Variants in FGL1 observed in about 807,000 individuals in gnomAD.
FGL1 encodes fibrinogen like 1.
FGL1 carries 59 observed loss-of-function variants against 43.7 expected under a neutral mutation model. The ratio of observed to expected loss-of-function variants is 1.35; its 90% CI spans 1.10 to 1.68. The LOEUF is 1.68. Among genes scored for constraint, FGL1 ranks in the 40% most tolerant of loss-of-function variants. The pLI is 0.00. For synonymous variants in FGL1, 192 were observed against 126.5 expected (o/e 1.52, Z -3.48); for missense variants, 596 against 373.0 (o/e 1.60, Z -4.92).
intron 3 of FGL1, among the ~76,000 whole-genome samples, chr8:17,879,794 A>C (rs937075701): frequency 2.6e-5 from 4 of 152,136 alleles, no homozygotes; most frequent in African/African-American, 9.7e-5. Flanking sequence ...GGACTAATAC[A>C]GCACTTAAGC....
chr8:17,873,020 G>C (rs2053388546), intron 5 of FGL1, among the ~76,000 whole-genome samples: 1 of 152,104 alleles, frequency 6.6e-6, no homozygotes, highest in Non-Finnish European at 1.5e-5. Context: ...ATTGGTTGCA[G>C]CTTTGAAAAA....
chr8:17,866,191 G>C (rs2053267050), intron 7 of FGL1, among the ~76,000 whole-genome samples: 1 of 152,190 alleles, frequency 6.6e-6, no homozygotes, highest in Admixed American at 6.5e-5. Context: ...TCTGAGACCA[G>C]TTTTCTAGCA....
At chr8:17,892,636 A>G (rs1202774263) in intron 1 of FGL1, among the ~76,000 whole-genome samples, 1 of 152,194 alleles carries the variant, frequency 6.6e-6, no homozygotes, top group Non-Finnish European at 1.5e-5. Flanking sequence ...TAGATTACTG[A>G]TTAGGATTTT....
At chr8:17,886,993 C>T (rs2053637935) in intron 1 of FGL1, among the ~76,000 whole-genome samples, 1 of 152,148 alleles carries the variant, frequency 6.6e-6, no homozygotes, top group African/African-American at 2.4e-5. Flanking sequence ...CAGGTGAATG[C>T]TGCTTCTCGT....
intron 1 of FGL1, among the ~76,000 whole-genome samples, chr8:17,888,749 C>A (rs561845069): frequency 4.9e-4 from 74 of 152,098 alleles, no homozygotes; most frequent in Admixed American, 7.9e-4. Flanking sequence ...GAAGTAAAAA[C>A]CATCCATTTA....
At chr8:17,871,039 G>A (rs1398122114) in intron 5 of FGL1, among the ~76,000 whole-genome samples, 8 of 152,062 alleles carry the variant, frequency 5.3e-5, no homozygotes. Flanking sequence ...CAAGACTGGA[G>A]TCCCTTTAAG....
At chr8:17,879,721 A>G (rs1429170349) in intron 3 of FGL1, among the ~76,000 whole-genome samples, 5 of 151,524 alleles carry the variant, frequency 3.3e-5, no homozygotes, top group African/African-American at 1.2e-4. Flanking sequence ...CCATGAGCCA[A>G]TTAAACCTCT....
intron 3 of FGL1, among the ~76,000 whole-genome samples, chr8:17,876,679 G>A (rs944436895): frequency 6.6e-6 from 1 of 152,090 alleles, no homozygotes; most frequent in Non-Finnish European, 1.5e-5. Flanking sequence ...GCCCTATTTG[G>A]AAAGAAGCTT....
At chr8:17,884,118 C>A (rs1585145779) in intron 2 of FGL1, among the ~76,000 whole-genome samples, 1 of 123,912 alleles carries the variant, frequency 8.1e-6, no homozygotes, top group East Asian at 2.9e-4. Flanking sequence ...TCTTTTCTTT[C>A]TTTCCTTTCT....
At chr8:17,865,859 C>CTGAG (rs1395947303) in intron 7 of FGL1, among the ~76,000 whole-genome samples, 1 of 151,436 alleles carries the variant, frequency 6.6e-6, no homozygotes, top group Non-Finnish European at 1.5e-5. Flanking sequence ...CCCGTAAAGG[C>CTGAG]TGAGTGGCTG....
intron 5 of FGL1, among the ~76,000 whole-genome samples, chr8:17,872,520 C>A (rs934146848): frequency 1.3e-5 from 2 of 152,098 alleles, no homozygotes; most frequent in Admixed American, 6.6e-5. Context: ...CCAGGCTGGT[C>A]TCGAAATCCT....
chr8:17,866,717 G>A (rs2053275282), intron 7 of FGL1, among the ~76,000 whole-genome samples: 2 of 152,298 alleles, frequency 1.3e-5, no homozygotes, highest in South Asian at 4.1e-4. Context: ...TCATTCAGAT[G>A]CCTTAGAAGC....
intron 1 of FGL1, among the ~76,000 whole-genome samples, chr8:17,891,094 G>T (rs747630572): frequency 6.6e-6 from 1 of 151,980 alleles, no homozygotes; most frequent in East Asian, 1.9e-4. Context: ...TACTCCAACC[G>T]CCCTGTACAA....
chr8:17,864,445 A>C lies in FGL1; in HGVS notation c.*147T>G, dbSNP rs1432463630. On this transcript the variant is annotated 3_prime_UTR_variant, in exon 8 of 8. Transcript: ENST00000427924. ...ATTGCATATCTGCTGTACTGAAAGC[A>C]CATTAAGTAACAAAGGCAAGTGAGA... is the stretch of plus-strand genomic sequence containing the variant. The C allele has an allele frequency of 2.6e-6, 2 of 767,894 alleles. No homozygotes were observed. The highest frequency in any genetic ancestry group is 4.0e-6 in the Non-Finnish European group (2 of 495,484). 47.6% of individuals were successfully genotyped at this position (767,894 alleles called of 1,614,324 possible). A position where few individuals can be genotyped will look rare whatever the true frequency, so the allele number is the denominator to read the frequency against.
chr8:17,868,676 C>G lies in FGL1; in HGVS notation c.651G>C (p.Gly217=), dbSNP rs752904238. The change falls in exon 7 of 8, where the codon GGG becomes GGC. Residue 217 remains glycine, a synonymous_variant. Coordinates refer to ENST00000427924, the MANE Select transcript of FGL1 (RefSeq NM_004467.4). ...YSGTAGDSLA[G]NFHPEVQWWA... is the part of the protein sequence containing the mutation. ...ACCACTGCACCTCAGGATGAAAATT[C>G]CCCGCAAGGGAATCTCCAGCTGTTC... 6.2e-7 allele frequency: 1 copy of G among 1,613,896 alleles called. No homozygotes were observed. The highest frequency in any genetic ancestry group is 1.1e-5 in the South Asian group (1 of 91,050).
intron 5 of FGL1, among the ~76,000 whole-genome samples, chr8:17,870,847 A>G (rs187981634): frequency 2.3e-3 from 346 of 151,912 alleles, no homozygotes; most frequent in African/African-American, 8.0e-3. Flanking sequence ...CAGAGGTTGC[A>G]GTGAGCCGAG....
intron 7 of FGL1, among the ~76,000 whole-genome samples, chr8:17,866,298 G>A (rs2053268688): frequency 6.6e-6 from 1 of 152,116 alleles, no homozygotes; most frequent in Non-Finnish European, 1.5e-5. Flanking sequence ...CACGTGAAAT[G>A]CTACACTAAC....
intron 7 of FGL1, among the ~76,000 whole-genome samples, chr8:17,867,805 C>T (rs928685699): frequency 2.0e-5 from 3 of 152,158 alleles, no homozygotes; most frequent in Non-Finnish European, 2.9e-5. Flanking sequence ...CGGCAGGGTG[C>T]GGTGGCTCAC....
chr8:17,864,702 C>A lies in FGL1; in HGVS notation c.829G>T (p.Ala277Ser), dbSNP rs775393692. The change falls in exon 8 of 8, where the codon GCT becomes TCT. Residue 277 changes from alanine to serine, a missense_variant. Ala to Ser is a moderately conservative substitution (Grantham distance 99). Transcript: ENST00000427924. Reference protein sequence around the residue: ...NGVYYSGPYTAKTDNGIVWYT... With the variant: ...NGVYYSGPYTSKTDNGIVWYT... ...CAGACAATCCCATTGTCTGTTTTAG[C>A]CGTGTAGGGGCCGCTGTAGTATACA... 6 of 1,613,030 alleles carry A rather than the reference C, an allele frequency of 3.7e-6. No individual in the cohort carries two copies. Among genetic ancestry groups the A allele is most frequent in the Non-Finnish European group, 5.1e-6 (6 of 1,179,736 alleles).
Sources: gnomAD v4.1 joint callset for allele counts (sites outside exome capture counted in the v4.1 genomes callset) on GRCh38, gnomAD v4.1.1 for gene constraint, MANE v1.5 for transcripts, NCBI Gene and HGNC (gene_info 2026-07-23, HGNC 2026-07-21) for gene names.